CDH8: variants seen among roughly 807,000 people sequenced by gnomAD.
CDH8 encodes the protein cadherin-8.
A neutral mutation model predicts 68.1 loss-of-function variants in CDH8; 17 were observed. That is an observed-to-expected ratio of 0.25 (90% CI 0.17 to 0.37). CDH8 has a LOEUF of 0.37. CDH8 is among the 10% of genes least tolerant of loss of function. CDH8 has a pLI of 1.00. For synonymous variants in CDH8, 372 were observed against 365.1 expected, an observed-to-expected ratio of 1.02 and a Z score of -0.21; for missense variants, 763 against 999.3, an observed-to-expected ratio of 0.76 and a Z score of 3.19.
At chr16:61,673,560 T>C (rs1567414648) in intron 10 of CDH8, among the ~76,000 whole-genome samples, 1 of 152,192 alleles carries the variant, frequency 6.6e-6, no homozygotes, top group Non-Finnish European at 1.5e-5. Context: ...TTGTACTTAA[T>C]GTTTTATTCA....
Position 61,655,449 on chromosome 16 carries a change from G to T in CDH8, c.1906+21C>A, listed in dbSNP as rs141172673. The T allele has an allele frequency of 3.2e-4, 511 of 1,613,180 alleles. 1 individual carries two copies. The African/African-American group carries it at 5.8e-3, about 18-fold the overall frequency. ...TGAATCAGAAAAAGGGTGACCGGTA[G>T]GCTATGAAGGAAATACGTACCTAAC... On this transcript the variant is annotated intron_variant, in intron 11 of 11. Transcript: ENST00000577390.
At chr16:61,967,561 A>G (rs1215115342) in intron 2 of CDH8, among the ~76,000 whole-genome samples, 12 of 152,202 alleles carry the variant, frequency 7.9e-5, no homozygotes, top group Non-Finnish European at 1.2e-4. Context: ...TAAACAGGAA[A>G]TTCATTTATG....
rs147863552 is a variant in CDH8 at position 61,812,097 on chromosome 16, T to C, written c.1277+5382A>G. On this transcript the variant is annotated intron_variant, in intron 7 of 11. Coordinates refer to ENST00000577390, the MANE Select transcript of CDH8 (RefSeq NM_001796.5). ...CCACAAACACACACACAAACAAACA[T>C]GCTCCTTACAGAAATTGAGAGTTAT... 5.9e-5 allele frequency among the ~76,000 whole-genome samples: 9 copies of C among 152,180 alleles called. No homozygotes were observed. The East Asian group carries it at 1.5e-3, about 26-fold the overall frequency.
intron 2 of CDH8, among the ~76,000 whole-genome samples, chr16:61,921,418 C>T (rs1267049026): frequency 6.6e-6 from 1 of 151,714 alleles, no homozygotes; most frequent in Admixed American, 6.6e-5. Context: ...ATATTTTATC[C>T]AAAATAAATA....
chr16:61,753,341 G>T (rs1408802583), intron 8 of CDH8, among the ~76,000 whole-genome samples: 1 of 151,620 alleles, frequency 6.6e-6, no homozygotes, highest in African/African-American at 2.4e-5. Flanking sequence ...CTTGGCTCAA[G>T]CAATCCTCTC....
chr16:61,978,012 T>A (rs1965468996), intron 2 of CDH8, among the ~76,000 whole-genome samples: 1 of 152,186 alleles, frequency 6.6e-6, no homozygotes, highest in South Asian at 2.1e-4. Flanking sequence ...ATGTGCCCAG[T>A]ACATGAAATA....
chr16:61,707,781 C>T (rs7195379), intron 10 of CDH8, among the ~76,000 whole-genome samples: 48,216 of 151,942 alleles, frequency 0.32, 7,886 homozygotes, highest in African/African-American at 0.4. Flanking sequence ...TTTGCACAGA[C>T]TGACAGATCA....
At chr16:61,985,704 G>C (rs1965613309) in intron 2 of CDH8, among the ~76,000 whole-genome samples, 1 of 152,010 alleles carries the variant, frequency 6.6e-6, no homozygotes, top group Admixed American at 6.6e-5. Flanking sequence ...TGTTGGTCAG[G>C]CTGGTCTCGA....
At chr16:61,839,259 G>A (rs982164811) in intron 4 of CDH8, among the ~76,000 whole-genome samples, 6 of 152,020 alleles carry the variant, frequency 3.9e-5, no homozygotes, top group African/African-American at 7.2e-5. Flanking sequence ...TGATGGCCCC[G>A]AAGGGTTCCA....
At chr16:61,840,449 TTTG>T (rs1280433489) in intron 4 of CDH8, among the ~76,000 whole-genome samples, 1 of 152,172 alleles carries the variant, frequency 6.6e-6, no homozygotes, top group African/African-American at 2.4e-5. Flanking sequence ...AAATTGAATT[TTTG>T]TTGTTGTTTA....
intron 8 of CDH8, among the ~76,000 whole-genome samples, chr16:61,762,852 A>G (rs945946844): frequency 5.9e-5 from 9 of 152,142 alleles, no homozygotes; most frequent in African/African-American, 2.2e-4. Context: ...TAGAATCTGC[A>G]CCCCAAACTC....
chr16:61,951,303 A>T (rs1964893500), intron 2 of CDH8, among the ~76,000 whole-genome samples: 1 of 152,028 alleles, frequency 6.6e-6, no homozygotes, highest in South Asian at 2.1e-4. Flanking sequence ...CGAGGTCAGG[A>T]GATCGAGACC....
At chr16:61,927,396 CTG>C (rs1407214822) in intron 2 of CDH8, among the ~76,000 whole-genome samples, 4 of 151,954 alleles carry the variant, frequency 2.6e-5, no homozygotes, top group Non-Finnish European at 4.4e-5. Flanking sequence ...CACACACACA[CTG>C]TACATATTTT....
intron 2 of CDH8, among the ~76,000 whole-genome samples, chr16:61,931,284 C>G (rs1024051370): frequency 6.6e-6 from 1 of 152,108 alleles, no homozygotes; most frequent in East Asian, 1.9e-4. Flanking sequence ...CCACCTCAGC[C>G]TTCCGAGTAG....
chr16:61,977,258 T>C (rs993612891), intron 2 of CDH8, among the ~76,000 whole-genome samples: 9 of 152,112 alleles, frequency 5.9e-5, no homozygotes, highest in African/African-American at 2.2e-4. Flanking sequence ...GTCTGGAGCA[T>C]AATAAATGCT....
At chr16:61,729,278 A>G (rs1363988806) in intron 8 of CDH8, among the ~76,000 whole-genome samples, 3 of 151,052 alleles carry the variant, frequency 2.0e-5, no homozygotes, top group Non-Finnish European at 4.5e-5. Context: ...ATACATATAC[A>G]TGTGTATTTG....
chr16:61,651,994 A>G lies in CDH8; in HGVS notation c.*1614T>C. Reference sequence around the variant, plus strand: ...TAGATCTTCCACTGATTGAAAAAAAAATTAATGACAACAAAGGTATTTATA... The same window carrying G: ...TAGATCTTCCACTGATTGAAAAAAAGATTAATGACAACAAAGGTATTTATA... On this transcript the variant is annotated 3_prime_UTR_variant, in exon 12 of 12. Coordinates refer to ENST00000577390, the MANE Select transcript of CDH8 (RefSeq NM_001796.5). The G allele has an allele frequency of 1.3e-6, 1 of 756,670 alleles. No homozygotes were observed. The highest frequency in any genetic ancestry group is 1.6e-6 in the Non-Finnish European group (1 of 621,588). The allele number at this position is 756,670 out of a possible 1,614,324, so 46.9% of individuals were successfully genotyped here.
At chr16:61,661,378 T>C (rs1207273121) in intron 10 of CDH8, among the ~76,000 whole-genome samples, 2 of 151,866 alleles carry the variant, frequency 1.3e-5, no homozygotes, top group Admixed American at 1.3e-4. Flanking sequence ...GATAGAATGA[T>C]AGAACTAATC....
At chr16:61,902,123 C>T (rs1239914391) in intron 2 of CDH8, among the ~76,000 whole-genome samples, 2 of 152,006 alleles carry the variant, frequency 1.3e-5, no homozygotes, top group South Asian at 4.1e-4. Context: ...TCGTCTAGTC[C>T]AGGAAAATCA....
Sources: gnomAD v4.1 joint callset for allele counts (sites outside exome capture counted in the v4.1 genomes callset) on GRCh38, gnomAD v4.1.1 for gene constraint, MANE v1.5 for transcripts, NCBI Gene and HGNC (gene_info 2026-07-23, HGNC 2026-07-21) for gene names.